The following JAKMIP1 variants were observed in gnomAD, a reference collection of about 807,000 sequenced individuals.
JAKMIP1 encodes janus kinase and microtubule-interacting protein 1.
JAKMIP1 carries 33 observed loss-of-function variants against 113.0 expected under a neutral mutation model. The ratio of observed to expected loss-of-function variants is 0.29; its 90% CI spans 0.22 to 0.39. The LOEUF (loss-of-function observed/expected upper bound fraction) is 0.39, where lower values mean the gene tolerates loss of function less well. Among genes scored for constraint, JAKMIP1 ranks in the 10% least tolerant of loss-of-function variants. The probability of loss-of-function intolerance (pLI) is 1.00; values close to 1 mark genes in which losing one functional copy is unlikely to be tolerated. For missense variants in JAKMIP1, 813 were observed against 1,080.5 expected (o/e 0.75, Z 3.47); for synonymous variants, 480 against 459.9 (o/e 1.04, Z -0.56).
chr4:6,084,086 G>A (rs1720948861), intron 5 of JAKMIP1, among the ~76,000 whole-genome samples: 1 of 152,162 alleles, frequency 6.6e-6, no homozygotes, highest in Non-Finnish European at 1.5e-5. Context: ...GGGAGGCTGA[G>A]GCGGGCAGAT....
At chr4:6,164,602 A>G (rs1302881160) in intron 1 of JAKMIP1, among the ~76,000 whole-genome samples, 2 of 152,206 alleles carry the variant, frequency 1.3e-5, no homozygotes, top group Non-Finnish European at 2.9e-5. Context: ...GTATCTGAGC[A>G]AAGTACATTG....
intron 8 of JAKMIP1, among the ~76,000 whole-genome samples, chr4:6,071,638 G>C (rs1199050502): frequency 6.6e-6 from 1 of 152,198 alleles, no homozygotes; most frequent in Non-Finnish European, 1.5e-5. Flanking sequence ...TGCTACCCTG[G>C]ACAAGGTACC....
intron 1 of JAKMIP1, among the ~76,000 whole-genome samples, chr4:6,114,781 C>G (rs1715492593): frequency 6.6e-6 from 1 of 152,232 alleles, no homozygotes; most frequent in South Asian, 2.1e-4. Flanking sequence ...CATTCCTCAC[C>G]TCGGCTGACC....
chr4:6,085,621 C>G lies in JAKMIP1; in HGVS notation c.633G>C (p.Glu211Asp). ...CERDIRRLMD[E>D]IKGKDRVILA... ...GAATCACACGGTCTTTCCCTTTGATCTCATCCATCTGAAAAGGAGAAAGAA... is the reference window on the plus strand; with the variant it reads ...GAATCACACGGTCTTTCCCTTTGATGTCATCCATCTGAAAAGGAGAAAGAA... The change falls in exon 4 of 21, where the codon GAG becomes GAC. Residue 211 changes from glutamate (E) to aspartate (D), a missense_variant. By Grantham distance (45) the Glu-to-Asp change is conservative. This residue lies in a region of JAKMIP1 where 540 missense variants were observed against 653.9 expected (regional missense o/e 0.83). Transcript: ENST00000409021. 3 of 1,613,986 alleles carry G rather than the reference C, an allele frequency of 1.9e-6. No homozygotes were observed. Among genetic ancestry groups the G allele is most frequent in the East Asian group, 2.2e-5 (1 of 44,870 alleles).
chr4:6,164,028 G>A (rs978357871), intron 1 of JAKMIP1, among the ~76,000 whole-genome samples: 7 of 152,194 alleles, frequency 4.6e-5, no homozygotes, highest in African/African-American at 9.7e-5. Context: ...GAGAAGCTGC[G>A]GCAAGTTACC....
At position 6,161,734 on chromosome 4, in the gene JAKMIP1, G is replaced by C. The variant is rs139779584; in HGVS notation, c.-148+38519C>G. ...GCAGGACTGTGTCCTCATTGGTCCT[G>C]GGGTTTGAAAAGGTCCACTCTGGAT... On this transcript the variant is annotated intron_variant, in intron 1 of 20. Coordinates refer to ENST00000409021, the MANE Select transcript of JAKMIP1 (RefSeq NM_001099433.2). Among the ~76,000 whole-genome samples the C allele has an allele frequency of 3.1e-3, 475 of 152,130 alleles. 3 individuals carry two copies. The highest frequency in any genetic ancestry group is 0.011 in the African/African-American group (461 of 41,502).
At position 6,108,031 on chromosome 4, in the gene JAKMIP1, C is replaced by A. The variant is rs1302841824; in HGVS notation, c.130-2064G>T. On this transcript the variant is annotated intron_variant, in intron 2 of 20. Transcript: ENST00000409021. The surrounding 1 kb of genome is among the most constrained non-coding windows in gnomAD (Gnocchi z 5.6). Reference sequence around the variant, plus strand: ...AGGAACATGGAAGGGTGGGCAGAGGCCTGTGCAGGGCAGCCCGGGGCGTCT... The same window carrying A: ...AGGAACATGGAAGGGTGGGCAGAGGACTGTGCAGGGCAGCCCGGGGCGTCT... Among the ~76,000 whole-genome samples the A allele has an allele frequency of 2.6e-5, 4 of 152,104 alleles. 1 individual carries two copies. The highest frequency in any genetic ancestry group is 2.6e-4 in the Admixed American group (4 of 15,258).
chr4:6,144,496 C>G (rs547086142), intron 1 of JAKMIP1, among the ~76,000 whole-genome samples: 1 of 152,144 alleles, frequency 6.6e-6, no homozygotes, highest in Non-Finnish European at 1.5e-5. Flanking sequence ...TACTAGAAAA[C>G]CAAATCCTGC....
intron 8 of JAKMIP1, among the ~76,000 whole-genome samples, chr4:6,077,482 CTTTTTT>C (rs34339999): frequency 4.9e-5 from 4 of 81,542 alleles, no homozygotes; most frequent in Non-Finnish European, 7.0e-5. Context: ...ATTTCCTTTC[CTTTTTT>C]TTTTTTTTTT....
At chr4:6,027,704 T>C (rs1477015878) in intron 20 of JAKMIP1, among the ~76,000 whole-genome samples, 5 of 152,128 alleles carry the variant, frequency 3.3e-5, no homozygotes, top group African/African-American at 9.7e-5. Flanking sequence ...TCCCCAAACA[T>C]AGGCTTTGAG....
rs1394866850 is a variant in JAKMIP1, at chr4:6,158,887, G to A, written c.-148+41366C>T. On this transcript the variant is annotated intron_variant, in intron 1 of 20. Transcript: ENST00000409021. The surrounding 1 kb of genome is among the most constrained non-coding windows in gnomAD (Gnocchi z 5.3). ...GAGGATCGCTTGACCTCAGGAGTTC[G>A]AGACCAGCCTGACCAACATGGTGAA... 2.0e-5 allele frequency among the ~76,000 whole-genome samples: 3 copies of A among 152,108 alleles called. No homozygotes were observed. Among genetic ancestry groups the A allele is most frequent in the East Asian group, 1.9e-4 (1 of 5,176 alleles).
intron 1 of JAKMIP1, among the ~76,000 whole-genome samples, chr4:6,152,831 C>A (rs1721768772): frequency 7.4e-6 from 1 of 135,936 alleles, no homozygotes; most frequent in South Asian, 2.2e-4. Context: ...TATAGCTGGG[C>A]ATGGTGGTGG....
At chr4:6,172,924 A>G (rs1251397665) in intron 1 of JAKMIP1, among the ~76,000 whole-genome samples, 1 of 152,178 alleles carries the variant, frequency 6.6e-6, no homozygotes, top group East Asian at 1.9e-4. Flanking sequence ...CAAAGGAGGA[A>G]TCTCGTAATC....
At chr4:6,070,223 G>A (rs1437580723) in intron 8 of JAKMIP1, 11 of 397,914 alleles carry the variant, frequency 2.8e-5, no homozygotes, top group Non-Finnish European at 4.0e-5. Flanking sequence ...AAGCCACCTC[G>A]TCGGCATCCA....
At chr4:6,078,435 C>G (rs369261616) in intron 8 of JAKMIP1, among the ~76,000 whole-genome samples, 4 of 142,088 alleles carry the variant, frequency 2.8e-5, no homozygotes, top group Non-Finnish European at 6.0e-5. Flanking sequence ...AGCTCCAGTG[C>G]GCTCTTTACA....
At chr4:6,198,900 G>A (rs932325246) in intron 1 of JAKMIP1, among the ~76,000 whole-genome samples, 1 of 152,260 alleles carries the variant, frequency 6.6e-6, no homozygotes, top group African/African-American at 2.4e-5. Flanking sequence ...TCTGACTTAG[G>A]GGGGATGGCC....
chr4:6,028,582 G>A (rs577045457), intron 20 of JAKMIP1, among the ~76,000 whole-genome samples: 5 of 152,348 alleles, frequency 3.3e-5, no homozygotes, highest in African/African-American at 1.2e-4. Flanking sequence ...TTTTTGGACA[G>A]CCCTGGAATC....
chr4:6,095,804 C>T (rs889329670), intron 3 of JAKMIP1, among the ~76,000 whole-genome samples: 1 of 148,874 alleles, frequency 6.7e-6, no homozygotes, highest in Non-Finnish European at 1.5e-5. Context: ...CTGCTATGCA[C>T]CACACTGCAC....
chr4:6,181,994 A>G lies in JAKMIP1; in HGVS notation c.-148+18259T>C, dbSNP rs976256135. Among the ~76,000 whole-genome samples, 2 of 152,164 alleles carry G rather than the reference A, an allele frequency of 1.3e-5. No homozygotes were observed. The highest frequency in any genetic ancestry group is 6.5e-5 in the Admixed American group (1 of 15,280). ...AAGTTCAGGGAAAGCAGACGATTCA[A>G]TAAGGTAAGGGACAGTGTTATGGAG... is the stretch of plus-strand genomic sequence containing the variant. On this transcript the variant is annotated intron_variant, in intron 1 of 20. Coordinates refer to ENST00000409021, the MANE Select transcript of JAKMIP1 (RefSeq NM_001099433.2). The surrounding 1 kb of genome is among the most constrained non-coding windows in gnomAD (Gnocchi z 5.4).
Sources: gnomAD v4.1 joint callset for allele counts (sites outside exome capture counted in the v4.1 genomes callset) on GRCh38, gnomAD v4.1.1 for gene constraint, gnomAD v4.1.1 regional missense constraint, Gnocchi (gnomAD v3.1) non-coding constraint, MANE v1.5 for transcripts, NCBI Gene and HGNC (gene_info 2026-07-23, HGNC 2026-07-21) for gene names.